Variants in ANK1 observed in about 807,000 individuals in gnomAD.
ANK1 encodes ankyrin-1.
In ANK1, 51 loss-of-function variants were observed where a neutral mutation model predicts 210.4. The observed-to-expected ratio is 0.24, with a 90% CI of 0.19 to 0.31. The LOEUF (loss-of-function observed/expected upper bound fraction) is 0.31, where lower values mean the gene tolerates loss of function less well. ANK1 is among the 10% of genes least tolerant of loss of function. ANK1 has a pLI of 1.00. For missense variants in ANK1, 2,051 were observed against 2,504.4 expected (o/e 0.82, Z 3.86); for synonymous variants, 967 against 1,025.9 (o/e 0.94, Z 1.10).
chr8:41,791,166 CT>C (rs1847592746), intron 1 of ANK1, among the ~76,000 whole-genome samples: 1 of 128,598 alleles, frequency 7.8e-6, no homozygotes, highest in Non-Finnish European at 1.7e-5. Flanking sequence ...GTGCCAGCCT[CT>C]TTTCAGCTTT....
At chr8:41,737,719 C>T (rs1457122382) in intron 2 of ANK1, among the ~76,000 whole-genome samples, 2 of 152,194 alleles carry the variant, frequency 1.3e-5, no homozygotes, top group Non-Finnish European at 2.9e-5. Context: ...GATCTGAATC[C>T]ACTGTTCTCA....
At chr8:41,763,802 G>A (rs182440566) in intron 1 of ANK1, among the ~76,000 whole-genome samples, 17 of 151,322 alleles carry the variant, frequency 1.1e-4, no homozygotes, top group Admixed American at 5.9e-4. Flanking sequence ...GAAGTAAAGT[G>A]ACCGGCTAAG....
chr8:41,710,263 A>G (rs922457370), intron 16 of ANK1, among the ~76,000 whole-genome samples: 8 of 152,162 alleles, frequency 5.3e-5, no homozygotes, highest in African/African-American at 1.9e-4. Context: ...TTAAAACCAC[A>G]TAAGGTCACT....
upstream of ANK1, among the ~76,000 whole-genome samples, chr8:41,798,872 C>T (rs1204943409): frequency 1.3e-5 from 2 of 152,142 alleles, no homozygotes; most frequent in Non-Finnish European, 2.9e-5. Flanking sequence ...GGTCCCCTGA[C>T]GAGGCCGCCA....
chr8:41,858,113 TC>T (rs1423521021), intron 1 of ANK1, among the ~76,000 whole-genome samples: 2 of 151,860 alleles, frequency 1.3e-5, no homozygotes, highest in African/African-American at 4.8e-5. Flanking sequence ...GTACCTGTAA[TC>T]CCAGCTACTC....
At chr8:41,701,472 A>T (rs1822779075) in intron 22 of ANK1, 78 bp downstream of exon 22, 12 of 1,325,914 alleles carry the variant, frequency 9.1e-6, no homozygotes, top group Middle Eastern at 1.8e-4. Flanking sequence ...CAAAGCCGGC[A>T]GGTGGCAGGA....
chr8:41,669,024 T>G lies in ANK1; in HGVS notation c.5097-460A>C, dbSNP rs566776423. Among the ~76,000 whole-genome samples, 8 of 151,862 alleles carry G rather than the reference T, an allele frequency of 5.3e-5. No homozygotes were observed. The East Asian group carries it at 1.6e-3, about 30-fold the overall frequency. Reference sequence around the variant, plus strand: ...ACATTCTCCCGTGGCTCCTGGAAGGTGCTAGCCTGGCGTCTCCCCCTTCCT... The same window carrying G: ...ACATTCTCCCGTGGCTCCTGGAAGGGGCTAGCCTGGCGTCTCCCCCTTCCT... On this transcript the variant is annotated intron_variant, in intron 38 of 42. Coordinates refer to ENST00000289734, the MANE Select transcript of ANK1 (RefSeq NM_000037.4).
chr8:41,833,179 C>T (rs1806997148), intron 1 of ANK1, among the ~76,000 whole-genome samples: 1 of 152,184 alleles, frequency 6.6e-6, no homozygotes. Context: ...CCGGGCCTCC[C>T]TCCAGCACCC....
chr8:41,875,829 G>C (rs909357207), intron 1 of ANK1, among the ~76,000 whole-genome samples: 117 of 152,178 alleles, frequency 7.7e-4, no homozygotes, highest in Non-Finnish European at 1.3e-4. Flanking sequence ...TTTTGTAGAT[G>C]ATCTAGTGTT....
intron 1 of ANK1, among the ~76,000 whole-genome samples, chr8:41,805,540 C>T (rs987563481): frequency 6.6e-6 from 1 of 152,072 alleles, no homozygotes; most frequent in Non-Finnish European, 1.5e-5. Context: ...AGCCACTCCA[C>T]TCAGTCCCAT....
At chr8:41,701,512 C>T (rs1175400022) in intron 22 of ANK1, 38 bp downstream of exon 22, 1 of 1,607,336 alleles carries the variant, frequency 6.2e-7, no homozygotes, top group African/African-American at 1.3e-5. Flanking sequence ...CGGAGCCCCT[C>T]TGTCCCCACC....
intron 6 of ANK1, 55 bp downstream of exon 6, chr8:41,725,706 C>T: frequency 6.4e-7 from 1 of 1,574,458 alleles, no homozygotes; most frequent in Non-Finnish European, 8.6e-7. Context: ...GCGCGGTGCC[C>T]CCTGAGCCCA....
In ANK1 at chr8:41,668,344, C is replaced by T. The variant is rs376971961; in HGVS notation, c.5317G>A (p.Ala1773Thr). 4 of 1,614,224 alleles carry T rather than the reference C, an allele frequency of 2.5e-6. No homozygotes were observed. Among genetic ancestry groups the T allele is most frequent in the Non-Finnish European group, 3.4e-6 (4 of 1,180,044 alleles). Residue 1773 changes from alanine to threonine, a missense_variant, in exon 39 of 43, where the codon GCC becomes ACC. Physicochemically the swap from Ala to Thr is moderately conservative, Grantham distance 58. This residue lies in a region of ANK1 where 496 missense variants were observed against 533.4 expected (regional missense o/e 0.93). Transcript: ENST00000289734. ...TEQPEAESSQ[A>T]DRDRRQQGQE... The stretch of plus-strand genomic sequence containing the variant: ...CCTTGCTGCCTCCGGTCCCTGTCGG[C>T]CTGGGAGCTCTCAGCCTCGGGCTGT...
chr8:41,832,771 ACAAGTCTGTCC>A (rs1806926165), intron 1 of ANK1, among the ~76,000 whole-genome samples: 1 of 152,252 alleles, frequency 6.6e-6, no homozygotes, highest in African/African-American at 2.4e-5. Context: ...ACGTTCTGAT[ACAAGTCTGTCC>A]TGTGCAATAT....
intron 1 of ANK1, among the ~76,000 whole-genome samples, chr8:41,816,966 C>A (rs1314034793): frequency 1.3e-5 from 2 of 152,150 alleles, no homozygotes; most frequent in Non-Finnish European, 2.9e-5. Context: ...GTGCCAGATA[C>A]AATAATTCAA....
At chr8:41,732,435 G>T (rs1250701597) in intron 3 of ANK1, among the ~76,000 whole-genome samples, 4 of 152,150 alleles carry the variant, frequency 2.6e-5, no homozygotes, top group African/African-American at 9.7e-5. Flanking sequence ...ATTTTTGAGA[G>T]GGAGTCTGTC....
At chr8:41,782,726 T>C (rs1273285947) in intron 1 of ANK1, among the ~76,000 whole-genome samples, 1 of 152,236 alleles carries the variant, frequency 6.6e-6, no homozygotes, top group African/African-American at 2.4e-5. Flanking sequence ...CTTCATCTTA[T>C]GCATTTGGAG....
intron 38 of ANK1, among the ~76,000 whole-genome samples, chr8:41,669,413 C>T (rs1395567249): frequency 6.6e-6 from 1 of 152,118 alleles, no homozygotes; most frequent in Non-Finnish European, 1.5e-5. Context: ...CCTCCTGCCT[C>T]AGCCACTTGA....
At chr8:41,716,212 C>A (rs1827636286) in intron 13 of ANK1, among the ~76,000 whole-genome samples, 1 of 152,098 alleles carries the variant, frequency 6.6e-6, no homozygotes, top group Non-Finnish European at 1.5e-5. Context: ...GCACTCAATG[C>A]AGTGTGGCTG....
Sources: allele counts gnomAD v4.1 joint callset (sites outside exome capture counted in the v4.1 genomes callset), GRCh38; gene constraint gnomAD v4.1.1; regional missense constraint gnomAD v4.1.1; transcripts MANE v1.5; gene names NCBI Gene and HGNC (gene_info 2026-07-23, HGNC 2026-07-21).